Variants in RHOH observed in about 807,000 individuals in gnomAD.
The protein encoded by RHOH is ras homolog family member H, also known as rho-related GTP-binding protein RhoH.
In RHOH, 6 loss-of-function variants were observed where a neutral mutation model predicts 13.8. The observed-to-expected ratio is 0.44, with a 90% confidence interval of 0.24 to 0.86. RHOH has a LOEUF of 0.86. Ranked by LOEUF, RHOH falls within the 40% of genes least tolerant of loss-of-function variation. The pLI is 0.24. For synonymous variants in RHOH, 117 were observed against 103.0 expected, an observed-to-expected ratio of 1.14 and a Z score of -0.82; for missense variants, 147 against 244.5, an observed-to-expected ratio of 0.60 and a Z score of 2.66.
intron 1 of RHOH, among the ~76,000 whole-genome samples, chr4:40,216,107 T>A (rs1015628250): frequency 1.3e-5 from 2 of 151,832 alleles, no homozygotes; most frequent in Non-Finnish European, 1.5e-5. Context: ...GCTTCTCCTT[T>A]ATTCTTAGGT....
rs979664361 is a variant in RHOH at position 40,218,564 on chromosome 4, C to T, written c.-331+21264C>T. 9.2e-5 allele frequency among the ~76,000 whole-genome samples: 14 copies of T among 152,066 alleles called. No homozygotes were observed. Among genetic ancestry groups the T allele is most frequent in the African/African-American group, 3.4e-4 (14 of 41,392 alleles). ...GGTGGAGAGGTAAGGCTAGGGAAGT[C>T]AAGGAAGGCATGAGGAACAGCTTGG... On this transcript the variant is annotated intron_variant, in intron 1 of 2. Transcript: ENST00000381799. This position sits in a 1 kb window ranked among gnomAD's most constrained non-coding sequence, Gnocchi z 4.1.
intron 1 of RHOH, among the ~76,000 whole-genome samples, chr4:40,236,528 T>A (rs552394952): frequency 6.6e-6 from 1 of 152,244 alleles, no homozygotes; most frequent in Admixed American, 6.5e-5. Flanking sequence ...CGGTGGCTCA[T>A]GCCTGTAATC....
upstream of RHOH, among the ~76,000 whole-genome samples, chr4:40,195,177 A>C (rs950681650): frequency 2.6e-5 from 4 of 152,068 alleles, no homozygotes; most frequent in African/African-American, 7.3e-5. Flanking sequence ...TCTTGTTTTT[A>C]ATTGTTTCAT....
chr4:40,229,540 A>T (rs1293437791), intron 1 of RHOH, among the ~76,000 whole-genome samples: 9 of 151,514 alleles, frequency 5.9e-5, no homozygotes, highest in Admixed American at 5.9e-4. Context: ...AGGCTGAGGC[A>T]GGAGAATCGC....
upstream of RHOH, among the ~76,000 whole-genome samples, chr4:40,195,069 G>A (rs980662806): frequency 1.3e-5 from 2 of 152,210 alleles, no homozygotes; most frequent in Non-Finnish European, 2.9e-5. Context: ...AGTTGCTGAA[G>A]AGCATAGAAC....
chr4:40,237,907 A>G (rs1728775432), intron 1 of RHOH, among the ~76,000 whole-genome samples: 1 of 152,194 alleles, frequency 6.6e-6, no homozygotes, highest in Admixed American at 6.5e-5. Flanking sequence ...TCATAATTTC[A>G]CTTTAGCTCT....
chr4:40,208,291 A>C (rs946083318), intron 1 of RHOH, among the ~76,000 whole-genome samples: 1 of 152,212 alleles, frequency 6.6e-6, no homozygotes, highest in African/African-American at 2.4e-5. Flanking sequence ...TTATCCATTA[A>C]TTATAGTTAC....
In RHOH at chr4:40,223,764, CTTG is replaced by C. The variant is rs1336844415; in HGVS notation, c.-330-18947_-330-18945del. ...GACATCATGTATAGTGTAAACATAA[CTTG>C]TTTTTTTTTTTTTTTTTTTTTTGAG... On this transcript the variant is annotated intron_variant, in intron 1 of 2. Coordinates refer to ENST00000381799, the MANE Select transcript of RHOH (RefSeq NM_004310.5). 1.9e-4 allele frequency among the ~76,000 whole-genome samples: 23 copies of C among 122,392 alleles called. 1 individual carries two copies. The highest frequency in any genetic ancestry group is 8.6e-4 in the Admixed American group (9 of 10,440). 80.3% of individuals were successfully genotyped at this position (122,392 alleles called of 152,430 possible).
intron 1 of RHOH, among the ~76,000 whole-genome samples, chr4:40,237,585 G>C (rs1384203610): frequency 1.3e-5 from 2 of 152,212 alleles, no homozygotes; most frequent in Non-Finnish European, 2.9e-5. Context: ...GCTATTGAAG[G>C]TGCTGGCTAG....
rs761817961 is a variant in RHOH at position 40,218,032 on chromosome 4, A to T, written c.-331+20732A>T. 6.6e-6 allele frequency: 1 copy of T among 152,096 alleles called. No homozygotes were observed. The highest frequency in any genetic ancestry group is 1.5e-5 in the Non-Finnish European group (1 of 68,018). 9.4% of individuals were successfully genotyped at this position (152,096 alleles called of 1,614,324 possible). On this transcript the variant is annotated intron_variant, in intron 1 of 2. Coordinates refer to ENST00000381799, the MANE Select transcript of RHOH (RefSeq NM_004310.5). The surrounding 1 kb of genome is among the most constrained non-coding windows in gnomAD (Gnocchi z 4.1). ...ATGGACATCTGGTCCATGATATTTGACTGTTTTAAGGTATGGAGTGCTTTG... is the reference window on the plus strand; with the variant it reads ...ATGGACATCTGGTCCATGATATTTGTCTGTTTTAAGGTATGGAGTGCTTTG...
chr4:40,243,920 C>G lies in RHOH; in HGVS notation c.534C>G (p.Asn178Lys). 2 of 1,614,024 alleles carry G rather than the reference C, an allele frequency of 1.2e-6. No homozygotes were observed. The highest frequency in any genetic ancestry group is 1.7e-6 in the Non-Finnish European group (2 of 1,179,950). The change falls in exon 3 of 3, where the codon AAC becomes AAG. Residue 178 changes from asparagine to lysine, a missense_variant. Transcript: ENST00000381799. The surrounding 1 kb of genome is among the most constrained non-coding windows in gnomAD (Gnocchi z 6.2). ...CCGTCAACCAGGCCAGGAGACGAAA[C>G]AGAAGGAGGCTCTTCTCCATCAATG... Reference protein sequence around the residue: ...RTAVNQARRRNRRRLFSINEC... With the variant: ...RTAVNQARRRKRRRLFSINEC...
Position 40,218,154 on chromosome 4 carries a change from A to G in RHOH, c.-331+20854A>G, listed in dbSNP as rs1726107627. On this transcript the variant is annotated intron_variant, in intron 1 of 2. Coordinates refer to ENST00000381799, the MANE Select transcript of RHOH (RefSeq NM_004310.5). The surrounding 1 kb of genome is among the most constrained non-coding windows in gnomAD (Gnocchi z 4.1). ...CCTTTTTGTCCGGCAAAGCACGAGG[A>G]TGCTTTGGAGAACGGAAGGATTTCA... 1 of 152,210 alleles carries G rather than the reference A, an allele frequency of 6.6e-6. No individual in the cohort carries two copies. The highest frequency in any genetic ancestry group is 2.1e-4 in the South Asian group (1 of 4,830). The allele number at this position is 152,210 out of a possible 1,614,324, so 9.4% of individuals were successfully genotyped here. A position where few individuals can be genotyped will look rare whatever the true frequency, so the allele number is the denominator to read the frequency against.
intron 1 of RHOH, among the ~76,000 whole-genome samples, chr4:40,216,139 T>TA (rs1271044698): frequency 1.3e-5 from 2 of 150,778 alleles, no homozygotes; most frequent in Non-Finnish European, 3.0e-5. Flanking sequence ...AGTTGCTATT[T>TA]TTTTTTTTTT....
chr4:40,195,180 T>G (rs1722993073), upstream of RHOH, among the ~76,000 whole-genome samples: 1 of 152,230 alleles, frequency 6.6e-6, no homozygotes, highest in Non-Finnish European at 1.5e-5. Context: ...TGTTTTTAAT[T>G]GTTTCATTTT....
chr4:40,203,002 C>T (rs1019549612), intron 1 of RHOH, among the ~76,000 whole-genome samples: 5 of 152,016 alleles, frequency 3.3e-5, no homozygotes, highest in African/African-American at 7.3e-5. Flanking sequence ...GATGGAGTCT[C>T]GCTCTGTTGC....
At chr4:40,219,353 A>C (rs1191650321) in intron 1 of RHOH, among the ~76,000 whole-genome samples, 1 of 150,706 alleles carries the variant, frequency 6.6e-6, no homozygotes, top group Non-Finnish European at 1.5e-5. Flanking sequence ...CGGAGGTTGC[A>C]GTGAGCCGAG....
chr4:40,239,516 T>C (rs1728995844), intron 1 of RHOH, among the ~76,000 whole-genome samples: 1 of 152,240 alleles, frequency 6.6e-6, no homozygotes, highest in Non-Finnish European at 1.5e-5. Context: ...AGAATGTTAT[T>C]AATAGGGACT....
At chr4:40,210,998 A>G (rs1485132727) in intron 1 of RHOH, among the ~76,000 whole-genome samples, 1 of 152,240 alleles carries the variant, frequency 6.6e-6, no homozygotes, top group Non-Finnish European at 1.5e-5. Context: ...GATGACAAAG[A>G]GAGGCACAGG....
At chr4:40,236,523 G>A (rs1475318425) in intron 1 of RHOH, among the ~76,000 whole-genome samples, 1 of 152,124 alleles carries the variant, frequency 6.6e-6, no homozygotes, top group Non-Finnish European at 1.5e-5. Context: ...GGCTGCGGTG[G>A]CTCATGCCTG....
Sources: allele counts gnomAD v4.1 joint callset (sites outside exome capture counted in the v4.1 genomes callset), GRCh38; gene constraint gnomAD v4.1.1; non-coding constraint Gnocchi (gnomAD v3.1); transcripts MANE v1.5; gene names NCBI Gene and HGNC (gene_info 2026-07-23, HGNC 2026-07-21).